Variants in ADAMTS18 observed in about 807,000 individuals in gnomAD.
ADAMTS18 encodes A disintegrin and metalloproteinase with thrombospondin motifs 18.
ADAMTS18 carries 157 observed loss-of-function variants against 165.9 expected under a neutral mutation model. That is an observed-to-expected ratio of 0.95 (90% CI 0.83 to 1.08). The LOEUF (loss-of-function observed/expected upper bound fraction) is 1.08, where lower values mean the gene tolerates loss of function less well. Among genes scored for constraint, ADAMTS18 ranks in the 50% least tolerant of loss-of-function variants. The pLI, the probability that ADAMTS18 is intolerant of heterozygous loss-of-function variation, is 0.00. For missense variants in ADAMTS18, 2,040 were observed against 1,534.0 expected, an observed-to-expected ratio of 1.33 and a Z score of -5.51; for synonymous variants, 782 against 578.2, an observed-to-expected ratio of 1.35 and a Z score of -5.06.
intron 3 of ADAMTS18, among the ~76,000 whole-genome samples, chr16:77,387,979 T>A (rs2057132736): frequency 6.6e-6 from 1 of 152,172 alleles, no homozygotes; most frequent in South Asian, 2.1e-4. Context: ...CCCCATCCTT[T>A]ACTGCTTCCT....
intron 16 of ADAMTS18, among the ~76,000 whole-genome samples, chr16:77,308,410 T>TTG (rs1005593418): frequency 1.3e-5 from 2 of 152,116 alleles, no homozygotes; most frequent in East Asian, 3.9e-4. Flanking sequence ...TCATTCATTG[T>TTG]TGTGTGTGTG....
intron 7 of ADAMTS18, 135 bp from the exon 8 acceptor site, chr16:77,359,558 A>C: frequency 1.4e-6 from 1 of 698,982 alleles, no homozygotes; most frequent in Non-Finnish European, 2.5e-6. Flanking sequence ...GGAAAAAAAA[A>C]AAAAAAAAGA....
Position 77,325,992 on chromosome 16 carries a change from G to A in ADAMTS18, c.1906C>T (p.Gln636Ter). 1.2e-6 allele frequency: 2 copies of A among 1,614,068 alleles called. No individual in the cohort carries two copies. Among genetic ancestry groups the A allele is most frequent in the Non-Finnish European group, 8.5e-7 (1 of 1,179,964 alleles). ...LFCPGSSRIY[Q>*]LCNINPCNEN... ...TTGCAAGGGTTAATATTGCACAGCT[G>A]ATAAATACGGCTAGAACCTGGACAG... Residue 636 changes from glutamine (Q) to a stop codon, truncating the protein, a stop_gained, in exon 13 of 23, where the codon CAG becomes TAG. Transcript: ENST00000282849. LOFTEE classifies it high-confidence loss of function.
chr16:77,404,270 C>G (rs1597232861), intron 3 of ADAMTS18, among the ~76,000 whole-genome samples: 1 of 152,138 alleles, frequency 6.6e-6, no homozygotes, highest in African/African-American at 2.4e-5. Context: ...CCAATAGATG[C>G]CTATGACCAA....
intron 3 of ADAMTS18, among the ~76,000 whole-genome samples, chr16:77,392,345 C>G (rs1469795875): frequency 1.3e-5 from 2 of 152,218 alleles, no homozygotes; most frequent in African/African-American, 2.4e-5. Flanking sequence ...CCCAGCTACA[C>G]TGGCCTGATG....
rs377384387 is a variant in ADAMTS18, at chr16:77,321,233, A to G, written c.2164-31T>C. The G allele has an allele frequency of 1.9e-5, 31 of 1,613,718 alleles. No homozygotes were observed. The African/African-American group carries it at 4.0e-4, about 21-fold the overall frequency. ...ACAAAAACAAAAAACGTGAGAAAAT[A>G]AAAGATCAGAGAAGCCAGAGGCTGG... On this transcript the variant is annotated intron_variant, in intron 14 of 22. Coordinates refer to ENST00000282849, the MANE Select transcript of ADAMTS18 (RefSeq NM_199355.4).
intron 11 of ADAMTS18, among the ~76,000 whole-genome samples, chr16:77,339,572 A>C (rs547075369): frequency 6.7e-6 from 1 of 150,088 alleles, no homozygotes; most frequent in African/African-American, 2.5e-5. Flanking sequence ...TGTATCCCTT[A>C]TAGGTAACGA....
chr16:77,345,919 C>T (rs749016685), intron 10 of ADAMTS18, among the ~76,000 whole-genome samples: 2 of 152,262 alleles, frequency 1.3e-5, no homozygotes, highest in East Asian at 3.9e-4. Context: ...TAACTGTCAT[C>T]CACAAAGTCA....
chr16:77,388,047 CT>C (rs1371789100), intron 3 of ADAMTS18, among the ~76,000 whole-genome samples: 5 of 152,212 alleles, frequency 3.3e-5, no homozygotes, highest in African/African-American at 1.2e-4. Context: ...CTGTCTTTCT[CT>C]GGTAGAAGCT....
At position 77,434,879 on chromosome 16, in the gene ADAMTS18, C is replaced by T; in HGVS notation, c.-184G>A. On this transcript the variant is annotated 5_prime_UTR_variant, in exon 1 of 23. Transcript: ENST00000282849. ...TCCCCTCCTCCGGCCGCCTGCGCGC[C>T]CTCCCTTCTCCCGGCGCGGGCCTGC... 4 of 445,122 alleles carry T rather than the reference C, an allele frequency of 9.0e-6. No homozygotes were observed. Among genetic ancestry groups the T allele is most frequent in the Non-Finnish European group, 1.5e-5 (4 of 268,614 alleles). 27.6% of individuals were successfully genotyped at this position (445,122 alleles called of 1,614,324 possible).
At chr16:77,381,065 G>A (rs1378806429) in intron 3 of ADAMTS18, among the ~76,000 whole-genome samples, 2 of 151,978 alleles carry the variant, frequency 1.3e-5, no homozygotes, top group Non-Finnish European at 2.9e-5. Context: ...GTAGAGACGG[G>A]GTTTCACCAT....
intron 16 of ADAMTS18, among the ~76,000 whole-genome samples, chr16:77,305,011 C>T (rs2055656098): frequency 6.6e-6 from 1 of 152,064 alleles, no homozygotes; most frequent in Non-Finnish European, 1.5e-5. Context: ...ATCATGTAGA[C>T]CGAAAGACAA....
chr16:77,349,857 T>C (rs956807626), intron 10 of ADAMTS18, among the ~76,000 whole-genome samples: 9 of 152,188 alleles, frequency 5.9e-5, no homozygotes, highest in Admixed American at 5.2e-4. Flanking sequence ...CACAAGAATT[T>C]AAATATCTTC....
At chr16:77,315,121 T>G (rs1167823377) in intron 16 of ADAMTS18, among the ~76,000 whole-genome samples, 1 of 152,082 alleles carries the variant, frequency 6.6e-6, no homozygotes, top group Non-Finnish European at 1.5e-5. Context: ...TCACTACTCT[T>G]GGAGACTAAT....
intron 16 of ADAMTS18, among the ~76,000 whole-genome samples, chr16:77,303,630 AAT>A (rs2144599924): frequency 4.7e-5 from 1 of 21,374 alleles, no homozygotes; most frequent in East Asian, 9.1e-4. Flanking sequence ...CGGTCAAGAC[AAT>A]AAAAAAAAAA....
At chr16:77,292,919 A>T in intron 20 of ADAMTS18, 157 bp downstream of exon 20, 1 of 782,986 alleles carries the variant, frequency 1.3e-6, no homozygotes, top group Non-Finnish European at 2.0e-6. Context: ...TCCTGGGTTC[A>T]CGCCATGCTC....
At chr16:77,339,617 C>G (rs2056368462) in intron 11 of ADAMTS18, among the ~76,000 whole-genome samples, 1 of 150,816 alleles carries the variant, frequency 6.6e-6, no homozygotes, top group African/African-American at 2.4e-5. Flanking sequence ...AAACAAAACA[C>G]TAATCCTCAA....
chr16:77,386,693 A>G (rs1028571536), intron 3 of ADAMTS18, among the ~76,000 whole-genome samples: 1 of 152,190 alleles, frequency 6.6e-6, no homozygotes, highest in South Asian at 2.1e-4. Context: ...CAAAAGTCAT[A>G]TCTTGCTAGC....
intron 3 of ADAMTS18, among the ~76,000 whole-genome samples, chr16:77,411,715 C>G (rs1460047006): frequency 2.9e-5 from 3 of 102,612 alleles, no homozygotes; most frequent in African/African-American, 3.9e-5. Context: ...GAGACAGAGT[C>G]TTGCCCTGTC....
Sources: allele counts gnomAD v4.1 joint callset (sites outside exome capture counted in the v4.1 genomes callset), GRCh38; gene constraint gnomAD v4.1.1; transcripts MANE v1.5; gene names NCBI Gene and HGNC (gene_info 2026-07-23, HGNC 2026-07-21).